Variants in UNC13C observed in about 807,000 individuals in gnomAD.
UNC13C encodes unc-13 homolog C.
In UNC13C, 174 loss-of-function variants were observed where a neutral mutation model predicts 245.4. The ratio of observed to expected loss-of-function variants is 0.71; its 90% confidence interval spans 0.63 to 0.80. The LOEUF is 0.80. Among genes scored for constraint, UNC13C ranks in the 30% least tolerant of loss-of-function variants. The probability of loss-of-function intolerance (pLI) is 0.00; values close to 1 mark genes in which losing one functional copy is unlikely to be tolerated. For synonymous variants in UNC13C, 992 were observed against 895.1 expected, an observed-to-expected ratio of 1.11 and a Z score of -1.93; for missense variants, 2,829 against 2,602.9, an observed-to-expected ratio of 1.09 and a Z score of -1.89.
chr15:54,064,854 T>G (rs1198963504), intron 2 of UNC13C, among the ~76,000 whole-genome samples: 1 of 152,238 alleles, frequency 6.6e-6, no homozygotes, highest in East Asian at 1.9e-4. Context: ...CATCATCATG[T>G]AAGAAAGCTT....
At chr15:54,097,881 T>C (rs1403509627) in intron 2 of UNC13C, among the ~76,000 whole-genome samples, 2 of 152,218 alleles carry the variant, frequency 1.3e-5, no homozygotes, top group Non-Finnish European at 2.9e-5. Flanking sequence ...ACAACACTCA[T>C]TTATACATAG....
chr15:54,245,551 T>C (rs2035969391), intron 7 of UNC13C, among the ~76,000 whole-genome samples: 1 of 152,202 alleles, frequency 6.6e-6, no homozygotes, highest in Non-Finnish European at 1.5e-5. Context: ...ATCAGTTTTA[T>C]AGGATGATTA....
At chr15:54,044,477 T>A (rs1286895723) in intron 2 of UNC13C, 1 of 267,512 alleles carries the variant, frequency 3.7e-6, no homozygotes, top group African/African-American at 2.3e-5. Flanking sequence ...TGGAACTCTT[T>A]GTTTAACTGT....
intron 2 of UNC13C, among the ~76,000 whole-genome samples, chr15:54,061,592 G>A (rs1196511778): frequency 1.3e-5 from 2 of 152,092 alleles, no homozygotes; most frequent in Admixed American, 1.3e-4. Flanking sequence ...CAGCATAATG[G>A]TACAGCAAGC....
At chr15:54,561,445 T>C (rs1349831612) in intron 29 of UNC13C, among the ~76,000 whole-genome samples, 1 of 151,922 alleles carries the variant, frequency 6.6e-6, no homozygotes, top group Non-Finnish European at 1.5e-5. Flanking sequence ...GAAAGACAGA[T>C]GGGCGTTTAC....
intron 2 of UNC13C, among the ~76,000 whole-genome samples, chr15:54,091,909 A>G (rs936788187): frequency 6.6e-6 from 1 of 152,094 alleles, no homozygotes; most frequent in African/African-American, 2.4e-5. Flanking sequence ...AACTTTGCTT[A>G]TTATGCATCA....
rs1895682578 is a variant in UNC13C at position 54,530,406 on chromosome 15, C to T, written c.5547-2511C>T. On this transcript the variant is annotated intron_variant, in intron 25 of 32. Transcript: ENST00000260323. ...ACTGTCCCAATATTTCCTGCATAACCTCTTTGTGCCAAGCATGGCATCCTG... is the reference window on the plus strand; with the variant it reads ...ACTGTCCCAATATTTCCTGCATAACTTCTTTGTGCCAAGCATGGCATCCTG... 3.3e-5 allele frequency among the ~76,000 whole-genome samples: 5 copies of T among 152,280 alleles called. No individual in the cohort carries two copies. In the South Asian group the frequency reaches 1.0e-3, roughly 32 times the overall value.
chr15:54,248,916 A>G lies in UNC13C; in HGVS notation c.3229-1309A>G, dbSNP rs546028869. Reference sequence around the variant, plus strand: ...TAATAAAGGGAAATATGCTGTTACCATACTGTGGAATTGAAAGTTAGTCAT... The same window carrying G: ...TAATAAAGGGAAATATGCTGTTACCGTACTGTGGAATTGAAAGTTAGTCAT... On this transcript the variant is annotated intron_variant, in intron 7 of 32. Transcript: ENST00000260323. Among the ~76,000 whole-genome samples, 10 of 152,242 alleles carry G rather than the reference A, an allele frequency of 6.6e-5. No individual in the cohort carries two copies. In the South Asian group the frequency reaches 8.3e-4, roughly 13 times the overall value.
chr15:54,550,815 G>T (rs1024237272), intron 28 of UNC13C, among the ~76,000 whole-genome samples: 6 of 152,112 alleles, frequency 3.9e-5, no homozygotes, highest in Non-Finnish European at 8.8e-5. Context: ...ACCTCCCTGG[G>T]ATTTCTGGAG....
chr15:54,148,773 A>T (rs1480085739), intron 4 of UNC13C, among the ~76,000 whole-genome samples: 1 of 152,180 alleles, frequency 6.6e-6, no homozygotes, highest in African/African-American at 2.4e-5. Flanking sequence ...TCCTAAGCCT[A>T]GACATGGGCT....
At chr15:54,184,441 C>A (rs566815518) in intron 4 of UNC13C, among the ~76,000 whole-genome samples, 2 of 152,014 alleles carry the variant, frequency 1.3e-5, no homozygotes, top group Admixed American at 6.6e-5. Flanking sequence ...CAACAGTCCC[C>A]GGTGTGTGAT....
At chr15:54,341,013 T>C (rs1427402455) in intron 17 of UNC13C, among the ~76,000 whole-genome samples, 1 of 152,226 alleles carries the variant, frequency 6.6e-6, no homozygotes, top group Non-Finnish European at 1.5e-5. Context: ...GGTGGGAATA[T>C]AAATGTGTTC....
intron 30 of UNC13C, among the ~76,000 whole-genome samples, chr15:54,617,499 G>GTAA (rs1900521034): frequency 6.6e-6 from 1 of 151,928 alleles, no homozygotes; most frequent in Admixed American, 6.6e-5. Context: ...ACTAACATCT[G>GTAA]AATCCCAGTC....
intron 2 of UNC13C, among the ~76,000 whole-genome samples, chr15:54,084,199 A>C (rs1310434329): frequency 1.3e-5 from 2 of 152,146 alleles, no homozygotes; most frequent in Non-Finnish European, 2.9e-5. Context: ...TTCTCTTGAG[A>C]GCCCGTCCAT....
At chr15:53,963,979 T>A in the UNC13C span, among the ~76,000 whole-genome samples, 3 of 152,184 alleles carry the variant, frequency 2.0e-5, no homozygotes, top group South Asian at 2.1e-4. Flanking sequence ...CTGGCAGGAT[T>A]TGGGGAAGAA....
chr15:54,520,724 G>A (rs1895178535), intron 24 of UNC13C, among the ~76,000 whole-genome samples: 1 of 152,274 alleles, frequency 6.6e-6, no homozygotes, highest in African/African-American at 2.4e-5. Flanking sequence ...ATGAATGAAG[G>A]CTAAGATAAA....
At chr15:54,470,609 T>G (rs1409082640) in intron 19 of UNC13C, among the ~76,000 whole-genome samples, 1 of 122,696 alleles carries the variant, frequency 8.2e-6, no homozygotes, top group Non-Finnish European at 1.8e-5. Flanking sequence ...CATTTATGAT[T>G]TTATTTATTT....
chr15:54,364,389 T>A (rs1327669675), intron 17 of UNC13C, among the ~76,000 whole-genome samples: 1 of 152,138 alleles, frequency 6.6e-6, no homozygotes. Context: ...AGAGCTGCTA[T>A]GAGAGGGAAA....
At chr15:53,903,489 T>C in the UNC13C span, among the ~76,000 whole-genome samples, 3 of 152,212 alleles carry the variant, frequency 2.0e-5, no homozygotes, top group Non-Finnish European at 4.4e-5. Flanking sequence ...CTTCACTAAT[T>C]TAAGATTGTG....
Sources: gnomAD v4.1 joint callset for allele counts (sites outside exome capture counted in the v4.1 genomes callset) on GRCh38, gnomAD v4.1.1 for gene constraint, MANE v1.5 for transcripts, NCBI Gene and HGNC (gene_info 2026-07-23, HGNC 2026-07-21) for gene names.